The following MROH1 variants were observed in gnomAD, a reference collection of about 807,000 sequenced individuals.
MROH1 encodes the protein maestro heat-like repeat-containing protein family member 1.
In MROH1, 117 loss-of-function variants were observed where a neutral mutation model predicts 116.5. The ratio of observed to expected loss-of-function variants is 1.00; its 90% CI spans 0.86 to 1.17. MROH1 has a LOEUF of 1.17. MROH1 is among the 50% of genes most tolerant of loss of function. MROH1 has a pLI of 0.00. For synonymous variants in MROH1, 921 were observed against 583.9 expected (o/e 1.58, Z -8.32); for missense variants, 1,873 against 1,338.5 (o/e 1.40, Z -6.23).
intron 14 of MROH1, among the ~76,000 whole-genome samples, chr8:144,234,105 G>A (rs573166798): frequency 9.9e-5 from 15 of 152,106 alleles, no homozygotes; most frequent in Admixed American, 9.2e-4. Context: ...TGCCTCCCGG[G>A]TTCACGCCAT....
At chr8:144,192,266 G>A in intron 9 of MROH1, 43 bp from the exon 10 acceptor site, 1 of 1,518,690 alleles carries the variant, frequency 6.6e-7, no homozygotes, top group Non-Finnish European at 8.9e-7. Flanking sequence ...AGTTCGGGCG[G>A]CTGGAGGTAG....
intron 14 of MROH1, among the ~76,000 whole-genome samples, chr8:144,224,693 A>G (rs563334961): frequency 2.0e-5 from 3 of 152,320 alleles, no homozygotes; most frequent in African/African-American, 7.2e-5. Flanking sequence ...TATTCATGAT[A>G]AAATGTTCAA....
At chr8:144,225,647 G>A (rs143966873) in intron 14 of MROH1, among the ~76,000 whole-genome samples, 2,951 of 152,010 alleles carry the variant, frequency 0.019, 36 homozygotes, top group Middle Eastern at 0.041. Flanking sequence ...TGCCTCCCAG[G>A]TTCAGGCGAT....
intron 3 of MROH1, among the ~76,000 whole-genome samples, chr8:144,166,857 A>T (rs757616525): frequency 6.6e-6 from 1 of 152,204 alleles, no homozygotes; most frequent in Non-Finnish European, 1.5e-5. Context: ...GGAAAAGCAG[A>T]TGCAGACCCA....
Position 144,239,394 on chromosome 8 carries a change from C to T in MROH1, c.1632+31C>T, listed in dbSNP as rs922313139. 46 of 780,504 alleles carry T rather than the reference C, an allele frequency of 5.9e-5. No homozygotes were observed. The East Asian group carries it at 7.0e-4, about 12-fold the overall frequency. 48.3% of individuals were successfully genotyped at this position (780,504 alleles called of 1,614,324 possible). A position where few individuals can be genotyped will look rare whatever the true frequency, so the allele number is the denominator to read the frequency against. On this transcript the variant is annotated intron_variant, in intron 17 of 43. Coordinates refer to ENST00000326134, the MANE Select transcript of MROH1 (RefSeq NM_032450.3). ...CCTCGCCCTTTCACAGCGTGCCCAG[C>T]GCCCCACTCTGTGTCCCTGTGCTCC...
intron 1 of MROH1, among the ~76,000 whole-genome samples, chr8:144,155,516 A>G (rs1817817199): frequency 6.6e-6 from 1 of 152,192 alleles, no homozygotes; most frequent in South Asian, 2.1e-4. Flanking sequence ...CAAATCTCCA[A>G]AAAGTTTTCC....
At chr8:144,245,386 C>T (rs942456795) in intron 29 of MROH1, 126 bp downstream of exon 29, 1 of 674,542 alleles carries the variant, frequency 1.5e-6, no homozygotes, top group Admixed American at 2.1e-5. Flanking sequence ...TCCTTGAGAC[C>T]TGGATTGAGG....
At position 144,242,641 on chromosome 8, in the gene MROH1, G is replaced by A. The variant is rs1841202755; in HGVS notation, c.2352+13G>A. 1 of 779,314 alleles carries A rather than the reference G, an allele frequency of 1.3e-6. No individual in the cohort carries two copies. Among genetic ancestry groups the A allele is most frequent in the South Asian group, 1.3e-5 (1 of 74,404 alleles). 48.3% of individuals were successfully genotyped at this position (779,314 alleles called of 1,614,324 possible). ...GGTAGAAACCAAGGTACAGTGTGTA[G>A]GAATTAAGTGCTGGACTGGCTTCTC... is the stretch of plus-strand genomic sequence containing the variant. On this transcript the variant is annotated intron_variant, in intron 24 of 43. Transcript: ENST00000326134.
intron 1 of MROH1, among the ~76,000 whole-genome samples, chr8:144,149,814 T>C (rs913629855): frequency 6.3e-4 from 95 of 151,860 alleles, no homozygotes; most frequent in African/African-American, 2.1e-3. Context: ...GGGGTTTGCA[T>C]GAGCACCAGT....
At chr8:144,181,326 A>AGGGGCCGGTGAGGGGGGG (rs1300090397) in intron 7 of MROH1, among the ~76,000 whole-genome samples, 1 of 102,812 alleles carries the variant, frequency 9.7e-6, no homozygotes, top group South Asian at 3.1e-4. Flanking sequence ...GTGATGGGGG[A>AGGGGCCGGTGAGGGGGGG]GGGGCCTGGT....
At chr8:144,168,528 A>G (rs1587833568) in intron 4 of MROH1, 88 bp downstream of exon 4, 2 of 1,487,922 alleles carry the variant, frequency 1.3e-6, no homozygotes, top group South Asian at 2.6e-5. Context: ...TCCAGCCAGG[A>G]GCAGTGGGTC....
chr8:144,161,634 C>T (rs991046184), intron 2 of MROH1, among the ~76,000 whole-genome samples: 2 of 152,184 alleles, frequency 1.3e-5, no homozygotes, highest in African/African-American at 4.8e-5. Flanking sequence ...TCTTGTGTCT[C>T]GTCCAGTTTT....
At chr8:144,214,403 T>C (rs916459768) in intron 12 of MROH1, 2 of 152,266 alleles carry the variant, frequency 1.3e-5, no homozygotes, top group Non-Finnish European at 2.9e-5. Flanking sequence ...GGACATAAGC[T>C]ACTTGAGGGC....
chr8:144,161,542 T>C (rs1458014261), intron 2 of MROH1, among the ~76,000 whole-genome samples: 2 of 152,340 alleles, frequency 1.3e-5, no homozygotes, highest in East Asian at 3.9e-4. Context: ...AGCTGGGCTC[T>C]TAGGGCTCCG....
intron 1 of MROH1, among the ~76,000 whole-genome samples, chr8:144,148,283 C>T (rs988882545): frequency 3.8e-4 from 58 of 152,314 alleles, no homozygotes; most frequent in African/African-American, 1.3e-3. Context: ...CGCCACAGCC[C>T]GGAAGAGAGG....
intron 7 of MROH1, among the ~76,000 whole-genome samples, chr8:144,186,891 G>C (rs1187886327): frequency 2.0e-5 from 3 of 151,914 alleles, no homozygotes; most frequent in Non-Finnish European, 4.4e-5. Flanking sequence ...TCAGGAGTTT[G>C]AGACCAGCCT....
chr8:144,155,476 C>T (rs1053862016), intron 1 of MROH1, among the ~76,000 whole-genome samples: 110 of 152,088 alleles, frequency 7.2e-4, no homozygotes, highest in Middle Eastern at 3.4e-3. Flanking sequence ...CTCTAGACTA[C>T]GTTTGTCCAT....
At chr8:144,259,758 G>A (rs1844639870) in intron 37 of MROH1, among the ~76,000 whole-genome samples, 153 bp from the exon 38 acceptor site, 1 of 152,238 alleles carries the variant, frequency 6.6e-6, no homozygotes, top group South Asian at 2.1e-4. Context: ...ACAACAGGGA[G>A]GGGTCGCCAC....
intron 12 of MROH1, among the ~76,000 whole-genome samples, chr8:144,216,830 C>T (rs142440512): frequency 6.6e-6 from 1 of 151,982 alleles, no homozygotes; most frequent in African/African-American, 2.4e-5. Flanking sequence ...GCTGGGATTA[C>T]AGGCACCTGC....
Sources: gnomAD v4.1 joint callset for allele counts (sites outside exome capture counted in the v4.1 genomes callset) on GRCh38, gnomAD v4.1.1 for gene constraint, MANE v1.5 for transcripts, NCBI Gene and HGNC (gene_info 2026-07-23, HGNC 2026-07-21) for gene names.